The following FKBP1A variants were observed in gnomAD, a reference collection of about 807,000 sequenced individuals.
FKBP1A encodes the protein peptidyl-prolyl cis-trans isomerase FKBP1A.
In FKBP1A, 5 loss-of-function variants were observed where a neutral mutation model predicts 14.2. The observed-to-expected ratio is 0.35, with a 90% CI of 0.18 to 0.74. The LOEUF (loss-of-function observed/expected upper bound fraction) is 0.74. Among genes scored for constraint, FKBP1A ranks in the 30% least tolerant of loss-of-function variants. The pLI, the probability that FKBP1A is intolerant of heterozygous loss-of-function variation, is 0.56. For missense variants in FKBP1A, 53 were observed against 138.8 expected (o/e 0.38, Z 3.10); for synonymous variants, 42 against 49.1 (o/e 0.86, Z 0.60).
intron 2 of FKBP1A, among the ~76,000 whole-genome samples, chr20:1,387,174 T>C (rs1262289329): frequency 6.6e-6 from 1 of 151,708 alleles, no homozygotes; most frequent in South Asian, 2.1e-4. Flanking sequence ...TATGAGTAAA[T>C]AGGTGAATTT....
chr20:1,383,482 T>A (rs1055125805), intron 2 of FKBP1A, among the ~76,000 whole-genome samples: 2 of 151,928 alleles, frequency 1.3e-5, no homozygotes, highest in African/African-American at 4.8e-5. Context: ...GATTTCTACT[T>A]TCAACACGCA....
Position 1,384,276 on chromosome 20 carries a change from C to T in FKBP1A, c.85+8558G>A, listed in dbSNP as rs559497645. Among the ~76,000 whole-genome samples, 9 of 152,194 alleles carry T rather than the reference C, an allele frequency of 5.9e-5. No homozygotes were observed. In the East Asian group the frequency reaches 1.5e-3, roughly 26 times the overall value. ...ATAAAATGAGTGTGAATACAAACAG[C>T]GGTTCTAGCTGACTCCTGGGAAAGA... On this transcript the variant is annotated intron_variant, in intron 2 of 4. Coordinates refer to ENST00000400137, the MANE Select transcript of FKBP1A (RefSeq NM_000801.5).
chr20:1,392,783 C>A, intron 2 of FKBP1A, 51 bp downstream of exon 2: 1 of 1,407,578 alleles, frequency 7.1e-7, no homozygotes, highest in South Asian at 1.4e-5. Context: ...CAGCCGCACC[C>A]GGGCTGCGGA....
intron 3 of FKBP1A, among the ~76,000 whole-genome samples, chr20:1,373,345 A>G (rs544541219): frequency 3.3e-5 from 5 of 152,348 alleles, no homozygotes; most frequent in African/African-American, 1.2e-4. Context: ...GGTGGCTTTA[A>G]ATGTATTAAC....
rs6033613 is a variant in FKBP1A, at chr20:1,379,680, C to T, written c.86-4077G>A. Among the ~76,000 whole-genome samples the T allele has an allele frequency of 0.016, 2,376 of 152,290 alleles. 60 individuals are homozygous for T. The highest frequency in any genetic ancestry group is 0.053 in the African/African-American group (2,191 of 41,548). On this transcript the variant is annotated intron_variant, in intron 2 of 4. Transcript: ENST00000400137. The surrounding 1 kb of genome is among the most constrained non-coding windows in gnomAD (Gnocchi z 4.3). ...CATCTACTTTCTAAGGAGAAATCTT[C>T]GCAGGGCAGGGTTGGGTGGTGGCAG...
At chr20:1,378,099 GA>G (rs1159837477) in intron 2 of FKBP1A, 1 of 147,644 alleles carries the variant, frequency 6.8e-6, no homozygotes, top group African/African-American at 2.5e-5. Context: ...GATCTTCCAG[GA>G]AAGTCCCACC....
intron 3 of FKBP1A, among the ~76,000 whole-genome samples, chr20:1,373,594 G>C (rs1460663165): frequency 6.6e-6 from 1 of 152,140 alleles, no homozygotes; most frequent in East Asian, 1.9e-4. Flanking sequence ...ACAAATGACA[G>C]GGCTGTGACT....
chr20:1,385,697 C>T (rs1265545237), intron 2 of FKBP1A, among the ~76,000 whole-genome samples: 3 of 152,196 alleles, frequency 2.0e-5, no homozygotes, highest in Non-Finnish European at 4.4e-5. Context: ...CTACCACCAT[C>T]CCTCTGACTT....
Position 1,386,727 on chromosome 20 carries a change from T to C in FKBP1A, c.85+6107A>G, listed in dbSNP as rs2089672652. ...AGGCTTGGAGCATTCGAGGAATGAA[T>C]GCAGGCCAAGGTGGCTTGAGCTCCT... On this transcript the variant is annotated intron_variant, in intron 2 of 4. Coordinates refer to ENST00000400137, the MANE Select transcript of FKBP1A (RefSeq NM_000801.5). This position sits in a 1 kb window ranked among gnomAD's most constrained non-coding sequence, Gnocchi z 4.7. Among the ~76,000 whole-genome samples the C allele has an allele frequency of 6.6e-6, 1 of 152,174 alleles. No homozygotes were observed. The highest frequency in any genetic ancestry group is 1.5e-5 in the Non-Finnish European group (1 of 68,032).
rs1206631403 is a variant in FKBP1A at position 1,392,821 on chromosome 20, G to GC, written c.85+12dup. 1.1e-5 allele frequency: 16 copies of GC among 1,496,154 alleles called. No homozygotes were observed. Among genetic ancestry groups the GC allele is most frequent in the Non-Finnish European group, 1.4e-5 (16 of 1,123,800 alleles). The allele number at this position is 1,496,154 out of a possible 1,614,324, so 92.7% of individuals were successfully genotyped here. A position where few individuals can be genotyped will look rare whatever the true frequency, so the allele number is the denominator to read the frequency against. On this transcript the variant is annotated intron_variant, in intron 2 of 4. Transcript: ENST00000400137. ...GCGGCCCGGGCCCCCTCCCCGCTGG[G>GC]CCCCCGACTCACCGGTGTAGTGCAC...
intron 2 of FKBP1A, among the ~76,000 whole-genome samples, chr20:1,390,495 C>A (rs918435542): frequency 6.6e-6 from 1 of 152,030 alleles, no homozygotes; most frequent in African/African-American, 2.4e-5. Context: ...AAACAACAAC[C>A]AAAAAACAGA....
intron 2 of FKBP1A, among the ~76,000 whole-genome samples, chr20:1,382,210 A>C (rs1000468790): frequency 2.0e-5 from 3 of 152,214 alleles, no homozygotes; most frequent in Non-Finnish European, 4.4e-5. Context: ...CACTTGTGCC[A>C]GGAGCTGGAG....
At chr20:1,377,336 G>C (rs781253160) in intron 2 of FKBP1A, 4 of 152,150 alleles carry the variant, frequency 2.6e-5, no homozygotes, top group Non-Finnish European at 5.9e-5. Flanking sequence ...GAGTAGAGAC[G>C]GATGTCCTGG....
chr20:1,392,701 G>T, intron 2 of FKBP1A, 133 bp downstream of exon 2: 1 of 555,782 alleles, frequency 1.8e-6, no homozygotes, highest in Non-Finnish European at 2.7e-6. Context: ...CCAGGCCTCA[G>T]CCTCGGGCCA....
chr20:1,389,852 A>G (rs1460784857), intron 2 of FKBP1A, among the ~76,000 whole-genome samples: 1 of 152,172 alleles, frequency 6.6e-6, no homozygotes, highest in African/African-American at 2.4e-5. Flanking sequence ...CCTGGCTCCT[A>G]AAGGCACTTA....
rs1453063421 is a variant in FKBP1A at position 1,369,023 on chromosome 20, G to A, written c.*1086C>T. 1.8e-5 allele frequency: 3 copies of A among 166,948 alleles called. No individual in the cohort carries two copies. Among genetic ancestry groups the A allele is most frequent in the Admixed American group, 1.3e-4 (2 of 15,264 alleles). 10.3% of individuals were successfully genotyped at this position (166,948 alleles called of 1,614,324 possible). A position where few individuals can be genotyped will look rare whatever the true frequency, so the allele number is the denominator to read the frequency against. On this transcript the variant is annotated 3_prime_UTR_variant, in exon 5 of 5. Coordinates refer to ENST00000400137, the MANE Select transcript of FKBP1A (RefSeq NM_000801.5). ...CACTTTTATTGCAATAATAAAACTTGAGACTCATAAATGGTGCTGGGGGAA... is the reference window on the plus strand; with the variant it reads ...CACTTTTATTGCAATAATAAAACTTAAGACTCATAAATGGTGCTGGGGGAA...
chr20:1,381,674 C>A (rs2089617615), intron 2 of FKBP1A, among the ~76,000 whole-genome samples: 1 of 152,150 alleles, frequency 6.6e-6, no homozygotes, highest in Admixed American at 6.5e-5. Flanking sequence ...TAAACTAACC[C>A]AAACATCCAC....
chr20:1,388,295 A>C (rs79205600), intron 2 of FKBP1A, among the ~76,000 whole-genome samples: 3,801 of 152,328 alleles, frequency 0.025, 62 homozygotes, highest in Middle Eastern at 0.071. Flanking sequence ...GTATTCTATA[A>C]CTAGCCTGCT....
chr20:1,370,290 TTAATC>T, intron 4 of FKBP1A: 1 of 985,454 alleles, frequency 1.0e-6, no homozygotes, highest in Non-Finnish European at 1.2e-6. Flanking sequence ...TGTGTTTTGT[TTAATC>T]TAAGGTTAAG....
Sources: gnomAD v4.1 joint callset for allele counts (sites outside exome capture counted in the v4.1 genomes callset) on GRCh38, gnomAD v4.1.1 for gene constraint, Gnocchi (gnomAD v3.1) non-coding constraint, MANE v1.5 for transcripts, NCBI Gene and HGNC (gene_info 2026-07-23, HGNC 2026-07-21) for gene names.